PHF3: variants seen among roughly 807,000 people sequenced by gnomAD.
PHF3 encodes the protein PHD finger protein 3.
Under a neutral mutation model 178.4 loss-of-function variants are expected in PHF3, and 41 were observed. The ratio of observed to expected loss-of-function variants is 0.23; its 90% CI spans 0.18 to 0.30. PHF3 has a LOEUF of 0.30. Among genes scored for constraint, PHF3 ranks in the 10% least tolerant of loss-of-function variants. The pLI, the probability that PHF3 is intolerant of heterozygous loss-of-function variation, is 1.00. For missense variants in PHF3, 2,346 were observed against 2,398.1 expected (o/e 0.98, Z 0.45); for synonymous variants, 842 against 800.5 (o/e 1.05, Z -0.88).
At position 63,680,007 on chromosome 6, in the gene PHF3, T is replaced by C; in HGVS notation, c.252T>C (p.Gly84=). ...NFQMPCSTVV[G]LDDIMDEGVV... is the part of the protein sequence containing the mutation. The stretch of plus-strand genomic sequence containing the variant: ...TTTGTCGTTTTTTTCTAGTTGTTGG[T>C]CTTGACGATATTATGGATGAAGGAG... The change falls in exon 3 of 16, where the codon GGT becomes GGC. Residue 84 remains glycine, a synonymous_variant. Coordinates refer to ENST00000262043, the MANE Select transcript of PHF3 (RefSeq NM_001370348.2). 1 of 1,609,714 alleles carries C rather than the reference T, an allele frequency of 6.2e-7. No individual in the cohort carries two copies.
In PHF3 at chr6:63,714,887, AT is replaced by A. The variant is rs1174157023; in HGVS notation, c.*1180del. ...TATGCCAGTTTTACTTGAAAAAAAA[AT>A]ATGAAAACTATTGTTAATTCAAATC... On this transcript the variant is annotated 3_prime_UTR_variant, in exon 16 of 16. Coordinates refer to ENST00000262043, the MANE Select transcript of PHF3 (RefSeq NM_001370348.2). 23 of 152,112 alleles carry A rather than the reference AT, an allele frequency of 1.5e-4. No individual in the cohort carries two copies. The highest frequency in any genetic ancestry group is 1.5e-3 in the Admixed American group (23 of 15,250). 9.4% of individuals were successfully genotyped at this position (152,112 alleles called of 1,614,324 possible).
In PHF3 at chr6:63,718,486, A is replaced by G. The variant is rs1220945358; in HGVS notation, c.*4778A>G. 2.6e-5 allele frequency among the ~76,000 whole-genome samples: 4 copies of G among 152,170 alleles called. No individual in the cohort carries two copies. Among genetic ancestry groups the G allele is most frequent in the Middle Eastern group, 3.4e-3 (1 of 294 alleles). On this transcript the variant is annotated 3_prime_UTR_variant, in exon 16 of 16. Coordinates refer to ENST00000262043, the MANE Select transcript of PHF3 (RefSeq NM_001370348.2). ...TCATCTGTTAATGTAACATTTATAT[A>G]AAAGTTAACTTCCAAACTAATTTAG... is the stretch of plus-strand genomic sequence containing the variant.
At chr6:63,705,258 T>C (rs773701512) in intron 11 of PHF3, among the ~76,000 whole-genome samples, 35 of 152,328 alleles carry the variant, frequency 2.3e-4, no homozygotes, top group Non-Finnish European at 3.8e-4. Context: ...TCATTTTAGC[T>C]TGTCTGAGTT....
At chr6:63,673,704 A>G (rs1165759052) in intron 2 of PHF3, among the ~76,000 whole-genome samples, 1 of 152,182 alleles carries the variant, frequency 6.6e-6, no homozygotes, top group African/African-American at 2.4e-5. Context: ...CTGAGACTGG[A>G]ATGCCTCCCA....
intron 4 of PHF3, chr6:63,686,296 G>A (rs545458652): frequency 5.9e-6 from 1 of 169,148 alleles, no homozygotes; most frequent in African/African-American, 2.4e-5. Context: ...AGAAGAACTA[G>A]TAATAAAGTA....
chr6:63,655,192 T>A (rs1174850169), intron 2 of PHF3, among the ~76,000 whole-genome samples: 1 of 152,082 alleles, frequency 6.6e-6, no homozygotes, highest in African/African-American at 2.4e-5. Context: ...GCCTCCTAAG[T>A]AGCTGGGATT....
At chr6:63,709,112 C>CTA in intron 13 of PHF3, 39 bp from the exon 14 acceptor site, 1 of 1,047,618 alleles carries the variant, frequency 9.5e-7, no homozygotes, top group Non-Finnish European at 1.4e-6. Flanking sequence ...TAAAGATAAT[C>CTA]TATATATATT....
chr6:63,666,801 G>A (rs1184912376), intron 2 of PHF3, among the ~76,000 whole-genome samples: 1 of 151,252 alleles, frequency 6.6e-6, no homozygotes, highest in Non-Finnish European at 1.5e-5. Flanking sequence ...GCCCAGGCTG[G>A]AGTGCAGTGG....
intron 2 of PHF3, among the ~76,000 whole-genome samples, chr6:63,674,465 G>A (rs1766079328): frequency 6.6e-6 from 1 of 151,262 alleles, no homozygotes; most frequent in Non-Finnish European, 1.5e-5. Flanking sequence ...TATCTACAAG[G>A]ATAAATTCAT....
At position 63,683,597 on chromosome 6, in the gene PHF3, G is replaced by A. The variant is rs190057957; in HGVS notation, c.407-532G>A. ...TTAATGCTAAAATGGTGACCTAAGG[G>A]AAGCACATTGATAAAGGAATTAGAG... On this transcript the variant is annotated intron_variant, in intron 3 of 15. Coordinates refer to ENST00000262043, the MANE Select transcript of PHF3 (RefSeq NM_001370348.2). Among the ~76,000 whole-genome samples, 15 of 152,182 alleles carry A rather than the reference G, an allele frequency of 9.9e-5. No homozygotes were observed. The East Asian group carries it at 2.3e-3, about 23-fold the overall frequency.
Position 63,706,732 on chromosome 6 carries a change from A to G in PHF3, c.3567A>G (p.Pro1189=). The part of the protein sequence containing the change: ...PKSTFSPAPR[P]EMPGTVEVES... The stretch of plus-strand genomic sequence containing the variant: ...GCTTTTTAATGTCATTTTCTAGTCC[A>G]GAGATGCCTGGAACTGTTGAAGTTG... The change falls in exon 13 of 16, where the codon CCA becomes CCG. Residue 1189 remains proline, a synonymous_variant. Transcript: ENST00000262043. The G allele has an allele frequency of 6.2e-7, 1 of 1,613,458 alleles. No individual in the cohort carries two copies. Among genetic ancestry groups the G allele is most frequent in the South Asian group, 1.1e-5 (1 of 90,998 alleles).
At chr6:63,677,311 A>G (rs541800314) in intron 2 of PHF3, among the ~76,000 whole-genome samples, 14 of 151,682 alleles carry the variant, frequency 9.2e-5, no homozygotes, top group Non-Finnish European at 1.9e-4. Flanking sequence ...AGATGGGGGG[A>G]CTGAACTGTT....
chr6:63,701,672 T>A, intron 9 of PHF3, among the ~76,000 whole-genome samples: 1 of 152,188 alleles, frequency 6.6e-6, no homozygotes, highest in East Asian at 1.9e-4. Context: ...AGGCCTTGAT[T>A]TGACATATCA....
rs1768358665 is a variant in PHF3 at position 63,720,948 on chromosome 6, A to T, written c.*7240A>T. 2 of 1,551,316 alleles carry T rather than the reference A, an allele frequency of 1.3e-6. No homozygotes were observed. The highest frequency in any genetic ancestry group is 1.7e-6 in the Non-Finnish European group (2 of 1,146,752). On this transcript the variant is annotated 3_prime_UTR_variant, in exon 16 of 16. Transcript: ENST00000262043. ...ATTGTTATAGCTCATAGGCACAGAG[A>T]TTCTTTCTCCCAAGTTAACTGCTAT...
chr6:63,703,883 A>G (rs1243804653), intron 11 of PHF3, among the ~76,000 whole-genome samples: 1 of 152,194 alleles, frequency 6.6e-6, no homozygotes, highest in African/African-American at 2.4e-5. Flanking sequence ...TAATTATACT[A>G]TATATGATTT....
intron 1 of PHF3, among the ~76,000 whole-genome samples, chr6:63,640,158 G>T (rs2149533710): frequency 6.6e-6 from 1 of 152,302 alleles, no homozygotes; most frequent in East Asian, 1.9e-4. Context: ...AACTGAACCA[G>T]ATTTGAAGTG....
In PHF3 at chr6:63,680,148, T is replaced by C; in HGVS notation, c.393T>C (p.Arg131=). ...TGAGATCTCCAAGAAAATCACCTCGTTTAATGGCACAAGGTAATCCTTTGA... is the reference window on the plus strand; with the variant it reads ...TGAGATCTCCAAGAAAATCACCTCGCTTAATGGCACAAGGTAATCCTTTGA... The part of the protein sequence containing the change: ...NSVRSPRKSP[R]LMAQEQVRSL... Residue 131 remains arginine (R), a synonymous_variant, in exon 3 of 16, where the codon CGT becomes CGC. Coordinates refer to ENST00000262043, the MANE Select transcript of PHF3 (RefSeq NM_001370348.2). The C allele has an allele frequency of 6.2e-7, 1 of 1,607,534 alleles. No homozygotes were observed. The highest frequency in any genetic ancestry group is 2.2e-5 in the East Asian group (1 of 44,788).
At chr6:63,645,362 C>T (rs1171895724) in intron 1 of PHF3, among the ~76,000 whole-genome samples, 1 of 151,874 alleles carries the variant, frequency 6.6e-6, no homozygotes, top group South Asian at 2.1e-4. Flanking sequence ...TTAAATAATG[C>T]GAGGATGTTA....
intron 1 of PHF3, among the ~76,000 whole-genome samples, chr6:63,640,518 C>G (rs1451422043): frequency 1.3e-5 from 2 of 152,160 alleles, no homozygotes; most frequent in South Asian, 2.1e-4. Flanking sequence ...AGCACAATGC[C>G]TTGCACACAG....
Sources: allele counts gnomAD v4.1 joint callset (sites outside exome capture counted in the v4.1 genomes callset), GRCh38; gene constraint gnomAD v4.1.1; transcripts MANE v1.5; gene names NCBI Gene and HGNC (gene_info 2026-07-23, HGNC 2026-07-21).